COL4A3: variants seen among roughly 807,000 people sequenced by gnomAD.
COL4A3 encodes collagen alpha-3(IV) chain.
A neutral mutation model predicts 217.4 loss-of-function variants in COL4A3; 135 were observed. That is an observed-to-expected ratio of 0.62 (90% CI 0.54 to 0.72). The LOEUF (loss-of-function observed/expected upper bound fraction) is 0.72, where lower values mean the gene tolerates loss of function less well. Among genes scored for constraint, COL4A3 ranks in the 30% least tolerant of loss-of-function variants. The probability of loss-of-function intolerance (pLI) is 0.00; values close to 1 mark genes in which losing one functional copy is unlikely to be tolerated. For missense variants in COL4A3, 1,868 were observed against 2,119.9 expected, an observed-to-expected ratio of 0.88 and a Z score of 2.33; for synonymous variants, 690 against 736.3, an observed-to-expected ratio of 0.94 and a Z score of 1.02.
chr2:227,243,974 C>G (rs924733285), intron 3 of COL4A3, among the ~76,000 whole-genome samples: 4 of 152,094 alleles, frequency 2.6e-5, no homozygotes, highest in Non-Finnish European at 5.9e-5. Flanking sequence ...TTAATGTGCA[C>G]AAGAATCACT....
At chr2:227,171,650 G>T (rs6736107) in intron 1 of COL4A3, among the ~76,000 whole-genome samples, 7,521 of 152,208 alleles carry the variant, frequency 0.049, 225 homozygotes, top group Admixed American at 0.087. Flanking sequence ...CAAGATCAGG[G>T]TGCCAAATTG....
intron 34 of COL4A3, among the ~76,000 whole-genome samples, chr2:227,285,771 T>G (rs2072281909): frequency 6.6e-6 from 1 of 152,250 alleles, no homozygotes; most frequent in African/African-American, 2.4e-5. Context: ...ATTTCTATAC[T>G]TCCAACAAAA....
chr2:227,248,584 C>A, intron 9 of COL4A3, 64 bp downstream of exon 9: 1 of 1,064,476 alleles, frequency 9.4e-7, no homozygotes. Flanking sequence ...CTCTTTTCGC[C>A]TCTCTTTACT....
In COL4A3 at chr2:227,284,238, G is replaced by T; in HGVS notation, c.2774G>T (p.Gly925Val). Reference protein sequence around the residue: ...RGSPGIPGVKGQRGTPGAKGE... With the variant: ...RGSPGIPGVKVQRGTPGAKGE... Reference sequence around the variant, plus strand: ...AGCCCTGGAATTCCAGGAGTAAAGGGCCAGAGAGGAACCCCAGGAGCCAAG... The same window carrying T: ...AGCCCTGGAATTCCAGGAGTAAAGGTCCAGAGAGGAACCCCAGGAGCCAAG... Residue 925 changes from glycine (G) to valine (V), a missense_variant, in exon 34 of 52, where the codon GGC becomes GTC. By Grantham distance (109) the Gly-to-Val change is moderately radical. Coordinates refer to ENST00000396578, the MANE Select transcript of COL4A3 (RefSeq NM_000091.5). The T allele has an allele frequency of 6.2e-7, 1 of 1,613,820 alleles. No individual in the cohort carries two copies. The highest frequency in any genetic ancestry group is 1.1e-5 in the South Asian group (1 of 91,070).
At chr2:227,296,109 G>A (rs757574370) in intron 41 of COL4A3, among the ~76,000 whole-genome samples, 2 of 152,242 alleles carry the variant, frequency 1.3e-5, no homozygotes, top group Non-Finnish European at 2.9e-5. Context: ...GAGAAACTCA[G>A]TTGGGCAGGA....
intron 1 of COL4A3, among the ~76,000 whole-genome samples, chr2:227,193,424 A>G (rs1434296543): frequency 6.6e-6 from 1 of 152,188 alleles, no homozygotes; most frequent in Non-Finnish European, 1.5e-5. Context: ...GATTAGAAAT[A>G]AAATCCTGGC....
chr2:227,223,565 C>CCG, intron 1 of COL4A3, among the ~76,000 whole-genome samples: 1 of 151,718 alleles, frequency 6.6e-6, no homozygotes, highest in Admixed American at 6.6e-5. Context: ...GAGACGCCCC[C>CCG]CCAACTCTAC....
intron 46 of COL4A3, 169 bp downstream of exon 46, chr2:227,304,313 A>G: frequency 1.3e-6 from 1 of 783,976 alleles, no homozygotes; most frequent in South Asian, 1.6e-5. Flanking sequence ...CCAGCAAATA[A>G]AAGACCTTGG....
At chr2:227,179,907 T>C (rs2065815260) in intron 1 of COL4A3, among the ~76,000 whole-genome samples, 1 of 152,216 alleles carries the variant, frequency 6.6e-6, no homozygotes, top group African/African-American at 2.4e-5. Flanking sequence ...ATAAATGTAC[T>C]GAACAGTGAA....
At chr2:227,213,860 C>T (rs1039638469) in intron 1 of COL4A3, among the ~76,000 whole-genome samples, 18 of 146,314 alleles carry the variant, frequency 1.2e-4, no homozygotes, top group African/African-American at 4.6e-4. Flanking sequence ...CAAGATCACA[C>T]CACTGCACAC....
intron 1 of COL4A3, among the ~76,000 whole-genome samples, chr2:227,234,566 C>A (rs1489690131): frequency 6.6e-6 from 1 of 152,164 alleles, no homozygotes; most frequent in African/African-American, 2.4e-5. Context: ...CCAGTCAATC[C>A]ATAAACACTT....
rs2106274665 is a variant in COL4A3, at chr2:227,305,078, A to G, written c.4247A>G (p.Glu1416Gly). 1.2e-6 allele frequency: 2 copies of G among 1,613,404 alleles called. No individual in the cohort carries two copies. The highest frequency in any genetic ancestry group is 1.7e-6 in the Non-Finnish European group (2 of 1,179,622). ...AAAGGCAACAAAGGTTCTAAAGGAG[A>G]GCCAGGTAAACCCCCAGCTTGTTTC... ...GEKGNKGSKG[E>G]PGPAGSDGLP... The change falls in exon 47 of 52, where the codon GAG (glutamate) becomes GGG (glycine). Residue 1416 changes from glutamate (E) to glycine (G), a missense_variant. Around this residue, in one of 2 missense-constraint regions of COL4A3, gnomAD observed 1,503 missense variants for 1,786.1 expected, o/e 0.84. Coordinates refer to ENST00000396578, the MANE Select transcript of COL4A3 (RefSeq NM_000091.5).
intron 1 of COL4A3, among the ~76,000 whole-genome samples, chr2:227,200,621 A>G (rs942135482): frequency 1.3e-5 from 2 of 152,240 alleles, no homozygotes; most frequent in Non-Finnish European, 2.9e-5. Flanking sequence ...AAAGCCATTC[A>G]TAGCTGACTC....
chr2:227,253,284 GT>G lies in COL4A3; in HGVS notation c.646-8del. The G allele has an allele frequency of 1.2e-6, 2 of 1,612,686 alleles. No individual in the cohort carries two copies. Among genetic ancestry groups the G allele is most frequent in the Non-Finnish European group, 1.7e-6 (2 of 1,178,732 alleles). On this transcript the variant is annotated splice_polypyrimidine_tract_variant and intron_variant, in intron 11 of 51. Coordinates refer to ENST00000396578, the MANE Select transcript of COL4A3 (RefSeq NM_000091.5). This position sits in a 1 kb window ranked among gnomAD's most constrained non-coding sequence, Gnocchi z 4.4. ...TTTTTAGAAAATAATTTGGTTTTGT[GT>G]TTTCTTACAGGGTCACATGGGTGAA...
chr2:227,284,439 A>G (rs2072195357), intron 34 of COL4A3, 94 bp downstream of exon 34: 5 of 1,391,908 alleles, frequency 3.6e-6, no homozygotes, highest in Non-Finnish European at 5.0e-6. Flanking sequence ...AAATAAGGAC[A>G]GTGAGGGCCA....
intron 43 of COL4A3, among the ~76,000 whole-genome samples, chr2:227,300,082 C>T (rs2073211563): frequency 6.6e-6 from 1 of 152,180 alleles, no homozygotes; most frequent in South Asian, 2.1e-4. Context: ...TATTTATCAG[C>T]CTTGCCTCTA....
At chr2:227,206,219 A>G (rs1441209119) in intron 1 of COL4A3, among the ~76,000 whole-genome samples, 2 of 151,752 alleles carry the variant, frequency 1.3e-5, no homozygotes, top group Admixed American at 6.6e-5. Context: ...GATTACAGGC[A>G]CCCGCCACCA....
Position 227,314,366 on chromosome 2 carries a change from A to T in COL4A3, c.*2496A>T, listed in dbSNP as rs1241329577. 2 of 152,650 alleles carry T rather than the reference A, an allele frequency of 1.3e-5. No homozygotes were observed. The highest frequency in any genetic ancestry group is 2.9e-5 in the Non-Finnish European group (2 of 68,052). The allele number at this position is 152,650 out of a possible 1,614,324, so 9.5% of individuals were successfully genotyped here. A position where few individuals can be genotyped will look rare whatever the true frequency, so the allele number is the denominator to read the frequency against. On this transcript the variant is annotated 3_prime_UTR_variant, in exon 52 of 52. Transcript: ENST00000396578. ...GCTCATGTGCATTATTTTCCAGATAACTTAGCTTATGAGTAGCTTATACAA... is the reference window on the plus strand; with the variant it reads ...GCTCATGTGCATTATTTTCCAGATATCTTAGCTTATGAGTAGCTTATACAA...
intron 1 of COL4A3, among the ~76,000 whole-genome samples, chr2:227,207,391 C>T (rs1463488426): frequency 6.6e-6 from 1 of 152,030 alleles, no homozygotes; most frequent in African/African-American, 2.4e-5. Flanking sequence ...TGTTTATTTC[C>T]CTACATTCTC....
Sources: allele counts gnomAD v4.1 joint callset (sites outside exome capture counted in the v4.1 genomes callset), GRCh38; gene constraint gnomAD v4.1.1; regional missense constraint gnomAD v4.1.1; non-coding constraint Gnocchi (gnomAD v3.1); transcripts MANE v1.5; gene names NCBI Gene and HGNC (gene_info 2026-07-23, HGNC 2026-07-21).